The following EEF2K variants were observed in gnomAD, a reference collection of about 807,000 sequenced individuals.
The protein encoded by EEF2K is alternative protein EEF2K.
EEF2K carries 70 observed loss-of-function variants against 93.8 expected under a neutral mutation model. The observed-to-expected ratio is 0.75, with a 90% CI of 0.62 to 0.91. EEF2K has a LOEUF of 0.91. EEF2K is among the 40% of genes least tolerant of loss of function. The probability of loss-of-function intolerance (pLI) is 0.00; values close to 1 mark genes in which losing one functional copy is unlikely to be tolerated. For missense variants in EEF2K, 935 were observed against 972.9 expected, an observed-to-expected ratio of 0.96 and a Z score of 0.52; for synonymous variants, 376 against 380.8, an observed-to-expected ratio of 0.99 and a Z score of 0.15.
chr16:22,239,793 A>G (rs1477422458), intron 2 of EEF2K, among the ~76,000 whole-genome samples: 1 of 152,064 alleles, frequency 6.6e-6, no homozygotes, highest in Non-Finnish European at 1.5e-5. Flanking sequence ...CCTGAGTGAC[A>G]GAGCAAGACC....
In EEF2K at chr16:22,250,569, G is replaced by A. The variant is rs550167993; in HGVS notation, c.409-85G>A. ...GGCCCAGGGCACCCATTTGATAGGT[G>A]GCATGTAAGGGGAGCACCTCCTGTC... On this transcript the variant is annotated intron_variant, in intron 4 of 17. Coordinates refer to ENST00000263026, the MANE Select transcript of EEF2K (RefSeq NM_013302.5). The A allele has an allele frequency of 6.2e-5, 96 of 1,538,090 alleles. No individual in the cohort carries two copies. In the South Asian group the frequency reaches 1.0e-3, roughly 17 times the overall value.
chr16:22,248,914 T>A (rs2047321336), intron 4 of EEF2K, 99 bp downstream of exon 4: 2 of 1,191,402 alleles, frequency 1.7e-6, no homozygotes, highest in African/African-American at 3.1e-5. Context: ...CCACTTTATT[T>A]AATTTTTGTA....
chr16:22,235,213 CAAAAA>C (rs557122340), intron 2 of EEF2K, among the ~76,000 whole-genome samples: 5 of 138,248 alleles, frequency 3.6e-5, no homozygotes, highest in Non-Finnish European at 7.9e-5. Context: ...GACTGTGTCT[CAAAAA>C]AAAAAAAGTG....
At chr16:22,266,239 G>T in intron 13 of EEF2K, 151 bp from the exon 14 acceptor site, 5 of 1,080,214 alleles carry the variant, frequency 4.6e-6, no homozygotes, top group Non-Finnish European at 6.4e-6. Flanking sequence ...AAAAAAAATT[G>T]GAGCCATGTT....
At chr16:22,211,185 C>T (rs1182012091) in intron 1 of EEF2K, among the ~76,000 whole-genome samples, 1 of 152,194 alleles carries the variant, frequency 6.6e-6, no homozygotes, top group African/African-American at 2.4e-5. Context: ...GCTCACTTTG[C>T]TCCACTCTGT....
chr16:22,273,493 C>T, intron 15 of EEF2K, 133 bp from the exon 16 acceptor site: 1 of 1,325,926 alleles, frequency 7.5e-7, no homozygotes, highest in Non-Finnish European at 1.0e-6. Context: ...GTGCCCCCTC[C>T]TATCTCACTT....
At chr16:22,209,670 G>C (rs939098086) in intron 1 of EEF2K, among the ~76,000 whole-genome samples, 1 of 152,212 alleles carries the variant, frequency 6.6e-6, no homozygotes, top group African/African-American at 2.4e-5. Flanking sequence ...AACTGAGAAG[G>C]CTCCTAGAAG....
Position 22,225,972 on chromosome 16 carries a change from C to A in EEF2K, c.243C>A (p.Phe81Leu), listed in dbSNP as rs368106187. The A allele has an allele frequency of 2.5e-6, 4 of 1,613,578 alleles. No homozygotes were observed. Among genetic ancestry groups the A allele is most frequent in the African/African-American group, 2.7e-5 (2 of 74,928 alleles). The change falls in exon 2 of 18, where the codon TTC becomes TTA. Residue 81 changes from phenylalanine to leucine, a missense_variant. Coordinates refer to ENST00000263026, the MANE Select transcript of EEF2K (RefSeq NM_013302.5). ...GGTCCCCGGCAAACTCCTTCCACTT[C>A]AAGGTGAGTGAGCCACCTATTCCAC... ...SSGSPANSFH[F>L]KEAWKHAIQK...
chr16:22,241,775 A>G (rs1436152114), intron 2 of EEF2K, among the ~76,000 whole-genome samples: 1 of 151,954 alleles, frequency 6.6e-6, no homozygotes, highest in African/African-American at 2.4e-5. Context: ...AGTCTAAATT[A>G]GCTACCAAAA....
chr16:22,254,127 CAAT>C (rs61678774), intron 6 of EEF2K, among the ~76,000 whole-genome samples: 13 of 150,504 alleles, frequency 8.6e-5, no homozygotes, highest in African/African-American at 2.2e-4. Context: ...GTAGTAGTAA[CAAT>C]AATAATAATA....
chr16:22,266,122 T>G (rs984939792), intron 13 of EEF2K, among the ~76,000 whole-genome samples: 1 of 151,752 alleles, frequency 6.6e-6, no homozygotes, highest in Non-Finnish European at 1.5e-5. Flanking sequence ...CTCGGGAAGC[T>G]GAGGCAGAAG....
intron 2 of EEF2K, among the ~76,000 whole-genome samples, chr16:22,235,955 G>A (rs112892500): frequency 0.075 from 11,409 of 151,934 alleles, 519 homozygotes; most frequent in Middle Eastern, 0.12. Context: ...GCGCCATCAC[G>A]CCTGGCTAAT....
chr16:22,210,404 CTT>C lies in EEF2K; in HGVS notation c.-77+3727_-77+3728del, dbSNP rs1456176181. 1.4e-3 allele frequency among the ~76,000 whole-genome samples: 207 copies of C among 152,320 alleles called. 1 individual carries two copies. The highest frequency in any genetic ancestry group is 3.1e-4 in the Non-Finnish European group (21 of 68,030). ...GCATCCCCAGCAGGACTTGCTTACA[CTT>C]TGATTGCTGGACCCATCCCCAGAGT... On this transcript the variant is annotated intron_variant, in intron 1 of 17. Coordinates refer to ENST00000263026, the MANE Select transcript of EEF2K (RefSeq NM_013302.5).
intron 1 of EEF2K, among the ~76,000 whole-genome samples, chr16:22,221,877 G>A (rs2047015601): frequency 6.6e-6 from 1 of 151,998 alleles, no homozygotes; most frequent in African/African-American, 2.4e-5. Flanking sequence ...CAAGGCCACT[G>A]TGGCCAACAT....
chr16:22,210,140 A>ATGAT (rs1206669852), intron 1 of EEF2K, among the ~76,000 whole-genome samples: 3 of 152,194 alleles, frequency 2.0e-5, no homozygotes, highest in Non-Finnish European at 4.4e-5. Context: ...TAACACGCTG[A>ATGAT]TGATAAAGCA....
In EEF2K at chr16:22,248,791, A is replaced by C. The variant is rs2047320109; in HGVS notation, c.384A>C (p.Glu128Asp). 13 of 1,613,988 alleles carry C rather than the reference A, an allele frequency of 8.1e-6. No homozygotes were observed. The highest frequency in any genetic ancestry group is 1.0e-5 in the Non-Finnish European group (12 of 1,179,938). The change falls in exon 4 of 18, where the codon GAA becomes GAC. Residue 128 changes from glutamate to aspartate, a missense_variant. Coordinates refer to ENST00000263026, the MANE Select transcript of EEF2K (RefSeq NM_013302.5). Reference sequence around the variant, plus strand: ...TCACCGGGGAATGGCTGGATGATGAAGTTCTGATCAAGATGGCATCTCAGG... The same window carrying C: ...TCACCGGGGAATGGCTGGATGATGACGTTCTGATCAAGATGGCATCTCAGG... ...NAVTGEWLDD[E>D]VLIKMASQPF...
In EEF2K at chr16:22,287,182, C is replaced by T. The variant is rs2047761381; in HGVS notation, c.*3186C>T. The T allele has an allele frequency of 6.6e-6, 1 of 152,446 alleles. No homozygotes were observed. The highest frequency in any genetic ancestry group is 2.4e-5 in the African/African-American group (1 of 41,450). 9.4% of individuals were successfully genotyped at this position (152,446 alleles called of 1,614,324 possible). A position where few individuals can be genotyped will look rare whatever the true frequency, so the allele number is the denominator to read the frequency against. On this transcript the variant is annotated 3_prime_UTR_variant, in exon 18 of 18. Transcript: ENST00000263026. ...TCGGGAGGCTGAGGCAGGAGAATCG[C>T]TTGAACCCAGGAGGCAGAGGTTGCA... is the stretch of plus-strand genomic sequence containing the variant.
intron 13 of EEF2K, chr16:22,265,317 G>A (rs2047506591): frequency 1.2e-5 from 2 of 166,528 alleles, no homozygotes; most frequent in South Asian, 3.2e-4. Context: ...GCAAGTCTGG[G>A]AAAGACCAGC....
At position 22,254,926 on chromosome 16, in the gene EEF2K, G is replaced by A. The variant is rs367639287; in HGVS notation, c.619-1822G>A. The stretch of plus-strand genomic sequence containing the variant: ...TCTCTACTAAAAATACAAAAATTAG[G>A]CAGGCATGGAGGCGGGTGCCTGTAG... On this transcript the variant is annotated intron_variant, in intron 6 of 17. Transcript: ENST00000263026. 1.8e-4 allele frequency among the ~76,000 whole-genome samples: 28 copies of A among 152,096 alleles called. 1 individual carries two copies. In the East Asian group the frequency reaches 2.1e-3, roughly 12 times the overall value.
Sources: gnomAD v4.1 joint callset for allele counts (sites outside exome capture counted in the v4.1 genomes callset) on GRCh38, gnomAD v4.1.1 for gene constraint, MANE v1.5 for transcripts, NCBI Gene and HGNC (gene_info 2026-07-23, HGNC 2026-07-21) for gene names.